HEATR9: variants seen among roughly 807,000 people sequenced by gnomAD.
The protein encoded by HEATR9 is protein HEATR9.
In HEATR9, 54 loss-of-function variants were observed where a neutral mutation model predicts 68.2. The observed-to-expected ratio is 0.79, with a 90% CI of 0.64 to 0.99. The LOEUF (loss-of-function observed/expected upper bound fraction) is 0.99. HEATR9 is among the 50% of genes least tolerant of loss of function. HEATR9 has a pLI of 0.00. For synonymous variants in HEATR9, 241 were observed against 253.5 expected (o/e 0.95, Z 0.47); for missense variants, 662 against 679.7 (o/e 0.97, Z 0.29).
chr17:35,858,330 G>T lies in HEATR9; in HGVS notation c.1033-11C>A, dbSNP rs555195063. The T allele has an allele frequency of 2.5e-6, 4 of 1,614,076 alleles. No individual in the cohort carries two copies. Among genetic ancestry groups the T allele is most frequent in the Admixed American group, 3.3e-5 (2 of 60,012 alleles). ...GGCTTCAAAGCGGTCCTGAGGTCGG[G>T]GGTGAGGGTTAGTGGGGAGGTGTGA... On this transcript the variant is annotated splice_polypyrimidine_tract_variant and intron_variant, in intron 10 of 14. Transcript: ENST00000604834.
chr17:35,861,968 G>A (rs546730352), intron 8 of HEATR9, among the ~76,000 whole-genome samples: 1 of 151,534 alleles, frequency 6.6e-6, no homozygotes, highest in Admixed American at 6.6e-5. Context: ...AAGCATTTCT[G>A]CCTCAGCCTC....
chr17:35,863,672 A>G (rs1332796446), intron 6 of HEATR9, 113 bp from the exon 7 acceptor site: 1 of 1,133,102 alleles, frequency 8.8e-7, no homozygotes, highest in Non-Finnish European at 1.3e-6. Context: ...TGAAGCCTAG[A>G]AAGTGACCTA....
chr17:35,868,438 C>T, intron 1 of HEATR9: 1 of 730,886 alleles, frequency 1.4e-6, no homozygotes, highest in Non-Finnish European at 2.1e-6. Context: ...GCTGGGGAGA[C>T]ACACAGGTGT....
At chr17:35,857,502 G>T (rs2087816286) in intron 11 of HEATR9, among the ~76,000 whole-genome samples, 1 of 152,180 alleles carries the variant, frequency 6.6e-6, no homozygotes, top group Non-Finnish European at 1.5e-5. Context: ...GCTCACGCCT[G>T]TAATCCCAGC....
chr17:35,865,070 C>T, intron 3 of HEATR9, 145 bp downstream of exon 3: 1 of 1,292,678 alleles, frequency 7.7e-7, no homozygotes. Context: ...CCAGATGGAG[C>T]TGAGCCAAGC....
In HEATR9 at chr17:35,855,247, T is replaced by C. The variant is rs751670201; in HGVS notation, c.1529A>G (p.Asp510Gly). ...PENPEELTIQ[D>G]FRLAKLNPLF... ...GGGGTTCAGCTTTGCAAGTCGAAAGTCTTGAATAGTTAACTCTTCTGGGTT... is the reference window on the plus strand; with the variant it reads ...GGGGTTCAGCTTTGCAAGTCGAAAGCCTTGAATAGTTAACTCTTCTGGGTT... The change falls in exon 15 of 15, where the codon GAC (aspartate) becomes GGC (glycine). Residue 510 changes from aspartate to glycine, a missense_variant. Transcript: ENST00000604834. 6.2e-7 allele frequency: 1 copy of C among 1,614,200 alleles called. No individual in the cohort carries two copies. Among genetic ancestry groups the C allele is most frequent in the Non-Finnish European group, 8.5e-7 (1 of 1,180,034 alleles).
chr17:35,857,410 GTT>G, intron 11 of HEATR9, among the ~76,000 whole-genome samples: 1 of 152,274 alleles, frequency 6.6e-6, no homozygotes, highest in Non-Finnish European at 1.5e-5. Context: ...CCAATAGAAA[GTT>G]TTATGCAGAG....
intron 2 of HEATR9, 56 bp from the exon 3 acceptor site, chr17:35,865,452 AG>A: frequency 7.1e-7 from 1 of 1,410,938 alleles, no homozygotes; most frequent in South Asian, 1.2e-5. Flanking sequence ...CTTACTTGTG[AG>A]GGTATGGGGA....
intron 12 of HEATR9, 70 bp from the exon 13 acceptor site, chr17:35,856,294 C>T (rs745959217): frequency 1.2e-5 from 19 of 1,613,798 alleles, no homozygotes; most frequent in African/African-American, 2.7e-5. Context: ...AGGCTGGTTG[C>T]TTTTCAGGTC....
chr17:35,863,592 A>G (rs748766862), intron 6 of HEATR9, 33 bp from the exon 7 acceptor site: 16 of 1,603,874 alleles, frequency 1.0e-5, no homozygotes, highest in Non-Finnish European at 1.2e-5. Flanking sequence ...GGAACATATA[A>G]TAAGGTGATG....
chr17:35,861,953 G>T (rs1328483248), intron 8 of HEATR9, among the ~76,000 whole-genome samples: 1 of 151,800 alleles, frequency 6.6e-6, no homozygotes, highest in Non-Finnish European at 1.5e-5. Context: ...CTGCCTCCTG[G>T]GTTCAAGCAT....
At chr17:35,864,329 G>A (rs1443509965) in intron 5 of HEATR9, 27 bp from the exon 6 acceptor site, 1 of 1,597,718 alleles carries the variant, frequency 6.3e-7, no homozygotes, top group East Asian at 2.2e-5. Flanking sequence ...GGAGGAAAGA[G>A]AAGGAAACTT....
At chr17:35,863,851 A>G (rs1487092603) in intron 6 of HEATR9, 1 of 562,270 alleles carries the variant, frequency 1.8e-6, no homozygotes, top group African/African-American at 1.9e-5. Context: ...AAATACAGAT[A>G]CTAATTCCTG....
intron 7 of HEATR9, 150 bp from the exon 8 acceptor site, chr17:35,863,275 T>C (rs2088064638): frequency 8.9e-7 from 1 of 1,118,390 alleles, no homozygotes; most frequent in African/African-American, 1.5e-5. Context: ...CCAGGGCAGC[T>C]GGCTGAATGT....
intron 12 of HEATR9, 144 bp downstream of exon 12, chr17:35,856,588 G>A: frequency 1.3e-6 from 1 of 791,522 alleles, no homozygotes; most frequent in Non-Finnish European, 2.1e-6. Flanking sequence ...TAGGGGCATG[G>A]GCAAGGGAGA....
At chr17:35,865,115 G>C in intron 3 of HEATR9, 100 bp downstream of exon 3, 1 of 1,415,254 alleles carries the variant, frequency 7.1e-7, no homozygotes, top group Non-Finnish European at 9.8e-7. Context: ...GGACCTGTAG[G>C]CTGACTTGCC....
chr17:35,860,841 C>A (rs968321427), intron 8 of HEATR9, among the ~76,000 whole-genome samples: 1 of 151,754 alleles, frequency 6.6e-6, no homozygotes, highest in Non-Finnish European at 1.5e-5. Flanking sequence ...ATCAGGAGTT[C>A]GAGACCAGCC....
At chr17:35,862,530 T>C (rs575091356) in intron 8 of HEATR9, among the ~76,000 whole-genome samples, 1 of 152,332 alleles carries the variant, frequency 6.6e-6, no homozygotes, top group African/African-American at 2.4e-5. Context: ...AGCATAGGCA[T>C]TGTACTAGGT....
In HEATR9 at chr17:35,860,621, C is replaced by T. The variant is rs183321119; in HGVS notation, c.757-1551G>A. Reference sequence around the variant, plus strand: ...TCTCCTGCCTCAGCCTGCCAAGTAGCTGGGACTACAGGCGCCCGCCAGCAC... The same window carrying T: ...TCTCCTGCCTCAGCCTGCCAAGTAGTTGGGACTACAGGCGCCCGCCAGCAC... On this transcript the variant is annotated intron_variant, in intron 8 of 14. Coordinates refer to ENST00000604834, the MANE Select transcript of HEATR9 (RefSeq NM_152781.4). Among the ~76,000 whole-genome samples the T allele has an allele frequency of 3.5e-3, 523 of 150,364 alleles. 4 individuals are homozygous for T. Among genetic ancestry groups the T allele is most frequent in the African/African-American group, 0.012 (491 of 41,120 alleles).
Sources: gnomAD v4.1 joint callset for allele counts (sites outside exome capture counted in the v4.1 genomes callset) on GRCh38, gnomAD v4.1.1 for gene constraint, MANE v1.5 for transcripts, NCBI Gene and HGNC (gene_info 2026-07-23, HGNC 2026-07-21) for gene names.